Variants in ACOT7 observed in about 807,000 individuals in gnomAD.
ACOT7 encodes acyl-CoA thioesterase 7, also known as cytosolic acyl coenzyme A thioester hydrolase.
Under a neutral mutation model 40.2 loss-of-function variants are expected in ACOT7, and 12 were observed. That is an observed-to-expected ratio of 0.30 (90% confidence interval 0.19 to 0.48). The LOEUF (loss-of-function observed/expected upper bound fraction) is 0.48, where lower values mean the gene tolerates loss of function less well. ACOT7 is among the 20% of genes least tolerant of loss of function. The pLI is 0.99. For missense variants in ACOT7, 395 were observed against 530.8 expected (o/e 0.74, Z 2.51); for synonymous variants, 228 against 219.5 (o/e 1.04, Z -0.34).
intron 6 of ACOT7, among the ~76,000 whole-genome samples, chr1:6,312,048 A>G (rs1640346289): frequency 6.6e-6 from 1 of 152,182 alleles, no homozygotes; most frequent in African/African-American, 2.4e-5. Context: ...GGAGACATAC[A>G]GACCGGATCT....
At chr1:6,272,494 C>T (rs1178069252) in intron 8 of ACOT7, among the ~76,000 whole-genome samples, 1 of 152,194 alleles carries the variant, frequency 6.6e-6, no homozygotes, top group Non-Finnish European at 1.5e-5. Flanking sequence ...GATGGGCCAG[C>T]TCTGTGGCCA....
In ACOT7 at chr1:6,274,176, A is replaced by C. The variant is rs574771222; in HGVS notation, c.1014+6926T>G. On this transcript the variant is annotated intron_variant, in intron 8 of 8. Coordinates refer to ENST00000361521, the MANE Select transcript of ACOT7 (RefSeq NM_007274.4). This position sits in a 1 kb window ranked among gnomAD's most constrained non-coding sequence, Gnocchi z 5.9. Reference sequence around the variant, plus strand: ...GAAAGCTTGCCCCATGCTTCCTCCTAAGTGCAAAGGGGCGAGGGACCTTCC... The same window carrying C: ...GAAAGCTTGCCCCATGCTTCCTCCTCAGTGCAAAGGGGCGAGGGACCTTCC... Among the ~76,000 whole-genome samples the C allele has an allele frequency of 7.6e-4, 116 of 152,254 alleles. 1 individual carries two copies. The South Asian group carries it at 8.9e-3, about 12-fold the overall frequency.
At chr1:6,280,560 G>T (rs1041906046) in intron 8 of ACOT7, among the ~76,000 whole-genome samples, 1 of 152,170 alleles carries the variant, frequency 6.6e-6, no homozygotes. Flanking sequence ...GAGGAGAAAG[G>T]CCAAGGGGCT....
chr1:6,382,944 T>C (rs958304112), intron 1 of ACOT7, among the ~76,000 whole-genome samples: 11 of 151,672 alleles, frequency 7.3e-5, no homozygotes, highest in African/African-American at 2.7e-4. Context: ...AATGTCACGA[T>C]CTTGGATCAC....
At chr1:6,345,091 C>T (rs971087032) in intron 2 of ACOT7, among the ~76,000 whole-genome samples, 13 of 152,198 alleles carry the variant, frequency 8.5e-5, no homozygotes, top group African/African-American at 1.9e-4. Context: ...CAAGTATTTG[C>T]GTTCCATGGG....
chr1:6,308,801 G>A (rs1351347544), intron 6 of ACOT7, among the ~76,000 whole-genome samples: 1 of 151,948 alleles, frequency 6.6e-6, no homozygotes, highest in East Asian at 1.9e-4. Context: ...AAGGAAAAGC[G>A]ACTGGGCGGA....
intron 1 of ACOT7, among the ~76,000 whole-genome samples, chr1:6,353,460 C>A (rs1362488766): frequency 6.6e-6 from 1 of 152,076 alleles, no homozygotes; most frequent in Non-Finnish European, 1.5e-5. Context: ...ATGGCAAAAC[C>A]CCATCTCTAC....
At chr1:6,323,737 A>AAAAAATAT (rs1553158667) in intron 5 of ACOT7, among the ~76,000 whole-genome samples, 5 of 38,412 alleles carry the variant, frequency 1.3e-4, no homozygotes, top group East Asian at 6.8e-4. Context: ...AAAAAAAAAA[A>AAAAAATAT]ATATATATAT....
At chr1:6,332,278 G>A (rs1038058640) in intron 4 of ACOT7, among the ~76,000 whole-genome samples, 1 of 152,216 alleles carries the variant, frequency 6.6e-6, no homozygotes, top group African/African-American at 2.4e-5. Context: ...AGCTCTTCCT[G>A]GGGGCTGTGG....
At chr1:6,329,757 A>G (rs530073760) in intron 4 of ACOT7, among the ~76,000 whole-genome samples, 1 of 152,014 alleles carries the variant, frequency 6.6e-6, no homozygotes, top group Admixed American at 6.6e-5. Context: ...CGTGGCCCAA[A>G]TATCTGAGAG....
intron 8 of ACOT7, among the ~76,000 whole-genome samples, chr1:6,280,374 T>C (rs1639320019): frequency 6.6e-6 from 1 of 152,208 alleles, no homozygotes; most frequent in Non-Finnish European, 1.5e-5. Flanking sequence ...GGAAGCTGCC[T>C]CTTTGGGCCG....
At chr1:6,365,910 T>C (rs1642000569) in intron 1 of ACOT7, among the ~76,000 whole-genome samples, 3 of 152,156 alleles carry the variant, frequency 2.0e-5, no homozygotes, top group Non-Finnish European at 4.4e-5. Flanking sequence ...TTATTTTTTT[T>C]TTTTGAGACA....
intron 1 of ACOT7, among the ~76,000 whole-genome samples, chr1:6,357,481 G>A (rs988785959): frequency 4.6e-5 from 7 of 152,222 alleles, no homozygotes; most frequent in Admixed American, 3.3e-4. Context: ...CACCAGGTGC[G>A]TGTGCTCCAC....
At chr1:6,292,533 C>G (rs1438108599) in intron 7 of ACOT7, among the ~76,000 whole-genome samples, 1 of 152,198 alleles carries the variant, frequency 6.6e-6, no homozygotes, top group African/African-American at 2.4e-5. Flanking sequence ...AAAAAGCATT[C>G]GACCCAGACT....
intron 5 of ACOT7, among the ~76,000 whole-genome samples, chr1:6,326,461 A>G (rs1211823141): frequency 6.6e-6 from 1 of 152,350 alleles, no homozygotes; most frequent in East Asian, 1.9e-4. Flanking sequence ...AAGAGGATGG[A>G]TGGCAGAAGG....
At chr1:6,293,540 A>G (rs1639730161) in intron 7 of ACOT7, among the ~76,000 whole-genome samples, 1 of 152,230 alleles carries the variant, frequency 6.6e-6, no homozygotes, top group African/African-American at 2.4e-5. Context: ...CAAAAAATAC[A>G]AAATACAAAA....
chr1:6,362,685 A>C (rs1641916594), intron 1 of ACOT7, among the ~76,000 whole-genome samples: 1 of 152,192 alleles, frequency 6.6e-6, no homozygotes, highest in Non-Finnish European at 1.5e-5. Flanking sequence ...CTCATGCTAG[A>C]GGAAGCTGGT....
intron 6 of ACOT7, among the ~76,000 whole-genome samples, chr1:6,309,797 A>C (rs1640281362): frequency 6.7e-6 from 1 of 149,106 alleles, no homozygotes; most frequent in Non-Finnish European, 1.5e-5. Context: ...TGGATATGAG[A>C]AAAAAGCTTG....
intron 7 of ACOT7, among the ~76,000 whole-genome samples, chr1:6,290,490 C>T (rs1639633788): frequency 6.6e-6 from 1 of 152,202 alleles, no homozygotes. Context: ...CCTGCTGTGC[C>T]CTCAGGCTCC....
Sources: gnomAD v4.1 joint callset for allele counts (sites outside exome capture counted in the v4.1 genomes callset) on GRCh38, gnomAD v4.1.1 for gene constraint, Gnocchi (gnomAD v3.1) non-coding constraint, MANE v1.5 for transcripts, NCBI Gene and HGNC (gene_info 2026-07-23, HGNC 2026-07-21) for gene names.